RBPJ: variants seen among roughly 807,000 people sequenced by gnomAD.
RBPJ encodes recombining binding protein suppressor of hairless.
Under a neutral mutation model 67.8 loss-of-function variants are expected in RBPJ, and 9 were observed. That is an observed-to-expected ratio of 0.13 (90% confidence interval 0.08 to 0.23). RBPJ has a LOEUF of 0.23. RBPJ is among the 10% of genes least tolerant of loss of function. The pLI is 1.00. For synonymous variants in RBPJ, 198 were observed against 203.3 expected, an observed-to-expected ratio of 0.97 and a Z score of 0.22; for missense variants, 305 against 595.6, an observed-to-expected ratio of 0.51 and a Z score of 5.08.
At chr4:26,119,360 T>C in the RBPJ span, among the ~76,000 whole-genome samples, 5 of 152,212 alleles carry the variant, frequency 3.3e-5, no homozygotes, top group African/African-American at 7.2e-5. Context: ...AATCCCTTCA[T>C]TGAGTAGATT....
chr4:26,294,832 C>T (rs139967044), intron 1 of RBPJ, among the ~76,000 whole-genome samples: 1,789 of 151,220 alleles, frequency 0.012, 39 homozygotes, highest in African/African-American at 0.041. Flanking sequence ...GCTGAGATCG[C>T]GCCATTGCAC....
intron 1 of RBPJ, among the ~76,000 whole-genome samples, chr4:26,168,970 G>A (rs1168708921): frequency 8.5e-5 from 13 of 152,206 alleles, no homozygotes; most frequent in Admixed American, 6.5e-5. Flanking sequence ...TTATACATTC[G>A]TCTAAATATT....
At chr4:26,121,036 G>A in the RBPJ span, among the ~76,000 whole-genome samples, 2 of 151,926 alleles carry the variant, frequency 1.3e-5, no homozygotes, top group East Asian at 3.9e-4. Context: ...GAGAAGCAGA[G>A]GGAGAGGGAA....
intron 1 of RBPJ, among the ~76,000 whole-genome samples, chr4:26,196,915 A>G (rs771577432): frequency 1.2e-4 from 19 of 152,138 alleles, no homozygotes; most frequent in Non-Finnish European, 2.4e-4. Context: ...TTAATGTTCA[A>G]GCGGATTTCC....
At chr4:26,204,361 C>A (rs1014438378) in intron 1 of RBPJ, among the ~76,000 whole-genome samples, 1 of 152,172 alleles carries the variant, frequency 6.6e-6, no homozygotes, top group Non-Finnish European at 1.5e-5. Context: ...AAAGAGGTGT[C>A]GCCTTTGAAG....
At chr4:26,255,753 G>C (rs1375373619) in intron 1 of RBPJ, among the ~76,000 whole-genome samples, 3 of 146,410 alleles carry the variant, frequency 2.0e-5, no homozygotes, top group Admixed American at 1.4e-4. Flanking sequence ...AGTGAGCCGA[G>C]ATCGTGCCAC....
chr4:26,109,816 TTATAAC>T, the RBPJ span, among the ~76,000 whole-genome samples: 1 of 151,332 alleles, frequency 6.6e-6, no homozygotes. Flanking sequence ...AAATATATCT[TTATAAC>T]AATAATTCTT....
At position 26,217,086 on chromosome 4, in the gene RBPJ, T is replaced by C. The variant is rs944895684; in HGVS notation, c.-167+53472T>C. ...AAACATGGAGGTGGTTTGGACTAGA[T>C]GGCTGGCAGAGGTAGAGTGGAATGG... On this transcript the variant is annotated intron_variant, in intron 1 of 4. Transcript: ENST00000512351. Among the ~76,000 whole-genome samples, 11 of 152,280 alleles carry C rather than the reference T, an allele frequency of 7.2e-5. 1 individual carries two copies. Among genetic ancestry groups the C allele is most frequent in the Admixed American group, 5.9e-4 (9 of 15,290 alleles).
intron 1 of RBPJ, among the ~76,000 whole-genome samples, chr4:26,337,226 C>T (rs1724942248): frequency 6.6e-6 from 1 of 151,976 alleles, no homozygotes; most frequent in Non-Finnish European, 1.5e-5. Context: ...CTGCCTTGGC[C>T]TCCCAAAGTG....
At chr4:26,359,461 G>GC (rs1411133036) in intron 1 of RBPJ, among the ~76,000 whole-genome samples, 19 of 146,710 alleles carry the variant, frequency 1.3e-4, no homozygotes, top group Admixed American at 1.2e-3. Flanking sequence ...ACTTTATGGA[G>GC]CGGCTGTGTG....
chr4:26,214,972 G>A (rs867678189), intron 1 of RBPJ, among the ~76,000 whole-genome samples: 10 of 21,572 alleles, frequency 4.6e-4, no homozygotes, highest in South Asian at 1.5e-3. Flanking sequence ...GGGAGGGAGG[G>A]AGGGAAGGAA....
At chr4:26,155,834 G>C in the RBPJ span, among the ~76,000 whole-genome samples, 28 of 152,206 alleles carry the variant, frequency 1.8e-4, no homozygotes, top group Non-Finnish European at 3.5e-4. Context: ...GTACAGAGGA[G>C]AGAAGTTTCA....
chr4:26,235,054 G>A lies in RBPJ; in HGVS notation c.-167+71440G>A, dbSNP rs952631483. Among the ~76,000 whole-genome samples, 31 of 152,220 alleles carry A rather than the reference G, an allele frequency of 2.0e-4. 1 individual carries two copies. The highest frequency in any genetic ancestry group is 4.6e-4 in the Non-Finnish European group (31 of 68,018). On this transcript the variant is annotated intron_variant, in intron 1 of 4. Transcript: ENST00000512351. ...GCTGAATAAAGCCTTCATAACAACA[G>A]GGGAATTGTGCATTTTGCTCATTAC...
At chr4:26,320,342 C>T (rs1400990855), upstream of RBPJ, among the ~76,000 whole-genome samples, 1 of 152,156 alleles carries the variant, frequency 6.6e-6, no homozygotes, top group East Asian at 1.9e-4. Flanking sequence ...AGCTCAACTG[C>T]AAAAGTTTTC....
At chr4:26,174,196 C>T (rs1451096027) in intron 1 of RBPJ, among the ~76,000 whole-genome samples, 1 of 152,184 alleles carries the variant, frequency 6.6e-6, no homozygotes. Flanking sequence ...ACTCAGACAG[C>T]TCGGGCTTGA....
intron 3 of RBPJ, among the ~76,000 whole-genome samples, chr4:26,412,554 G>A (rs955274742): frequency 7.2e-5 from 11 of 152,106 alleles, no homozygotes; most frequent in Non-Finnish European, 1.5e-5. Context: ...GATTTGGGAT[G>A]TTCAACCACT....
chr4:26,343,737 TTC>T (rs1377697989), intron 1 of RBPJ, among the ~76,000 whole-genome samples: 8 of 138,334 alleles, frequency 5.8e-5, no homozygotes, highest in African/African-American at 2.2e-4. Context: ...TCTTTCTTTC[TTC>T]TTTTTTTTTT....
intron 1 of RBPJ, among the ~76,000 whole-genome samples, chr4:26,209,666 C>G (rs1317972793): frequency 6.9e-6 from 1 of 145,794 alleles, no homozygotes; most frequent in African/African-American, 2.5e-5. Flanking sequence ...TCCCTCCCTT[C>G]CTCCTTCCGT....
At chr4:26,142,042 G>A in the RBPJ span, among the ~76,000 whole-genome samples, 15 of 152,006 alleles carry the variant, frequency 9.9e-5, no homozygotes, top group East Asian at 1.7e-3. Context: ...TCTGTTTCAC[G>A]ATGTTCCTTG....
Sources: allele counts gnomAD v4.1 joint callset (sites outside exome capture counted in the v4.1 genomes callset), GRCh38; gene constraint gnomAD v4.1.1; transcripts MANE v1.5; gene names NCBI Gene and HGNC (gene_info 2026-07-23, HGNC 2026-07-21).